The following GREB1 variants were observed in gnomAD, a reference collection of about 807,000 sequenced individuals.
GREB1 encodes growth regulating estrogen receptor binding 1, also known as protein GREB1.
GREB1 carries 106 observed loss-of-function variants against 200.7 expected under a neutral mutation model. The observed-to-expected ratio is 0.53, with a 90% confidence interval of 0.45 to 0.62. The LOEUF (loss-of-function observed/expected upper bound fraction) is 0.62, where lower values mean the gene tolerates loss of function less well. Among genes scored for constraint, GREB1 ranks in the 20% least tolerant of loss-of-function variants. GREB1 has a pLI of 0.00. For synonymous variants in GREB1, 1,132 were observed against 1,092.4 expected (o/e 1.04, Z -0.72); for missense variants, 2,243 against 2,556.8 (o/e 0.88, Z 2.65).
chr2:11,588,932 G>C lies in GREB1; in HGVS notation c.1345+1G>C. ...ACCGTCTACTACCTGGTCCAGCTGG[G>C]TGAGTCACCTCCACCTCCTGGCCCA... is the stretch of plus-strand genomic sequence containing the variant. On this transcript the variant is annotated splice_donor_variant, in intron 10 of 32. Transcript: ENST00000381486. LOFTEE classifies it high-confidence loss of function. 1 of 1,613,106 alleles carries C rather than the reference G, an allele frequency of 6.2e-7. No individual in the cohort carries two copies. The highest frequency in any genetic ancestry group is 1.7e-5 in the Admixed American group (1 of 60,024).
intron 22 of GREB1, among the ~76,000 whole-genome samples, chr2:11,619,514 T>A (rs1028848675): frequency 1.2e-4 from 19 of 152,198 alleles, no homozygotes; most frequent in Non-Finnish European, 2.9e-5. Flanking sequence ...AATATTACTT[T>A]TTCTGATTTA....
chr2:11,606,090 C>T (rs889631036), intron 17 of GREB1, among the ~76,000 whole-genome samples: 1 of 152,192 alleles, frequency 6.6e-6, no homozygotes, highest in East Asian at 1.9e-4. Context: ...GAACTGTCCC[C>T]GCCATACCAA....
chr2:11,604,201 G>C (rs1314899930), intron 17 of GREB1, among the ~76,000 whole-genome samples: 1 of 152,202 alleles, frequency 6.6e-6, no homozygotes, highest in Non-Finnish European at 1.5e-5. Context: ...AGTTTCATGA[G>C]CTAATGTACG....
intron 9 of GREB1, 119 bp from the exon 10 acceptor site, chr2:11,588,627 G>C: frequency 1.1e-6 from 1 of 927,166 alleles, no homozygotes; most frequent in Non-Finnish European, 1.8e-6. Flanking sequence ...CAGGGCACTC[G>C]AGGGACCTGG....
upstream of GREB1, among the ~76,000 whole-genome samples, chr2:11,531,664 G>A (rs535074266): frequency 6.6e-6 from 1 of 152,054 alleles, no homozygotes; most frequent in Non-Finnish European, 1.5e-5. Context: ...TTGGCATCTC[G>A]GGTTCAAGCG....
chr2:11,611,274 C>G (rs1048743590), intron 18 of GREB1, among the ~76,000 whole-genome samples: 13 of 152,138 alleles, frequency 8.5e-5, no homozygotes, highest in African/African-American at 3.1e-4. Context: ...TTCTTTTTTC[C>G]TGGGCATCCA....
At chr2:11,539,325 A>G (rs1674553408) in intron 1 of GREB1, among the ~76,000 whole-genome samples, 1 of 152,152 alleles carries the variant, frequency 6.6e-6, no homozygotes, top group South Asian at 2.1e-4. Context: ...TGCTGGGATT[A>G]CAGGTGTGAA....
intron 20 of GREB1, 152 bp downstream of exon 20, chr2:11,615,442 G>A (rs987295582): frequency 1.3e-5 from 8 of 629,494 alleles, no homozygotes; most frequent in Non-Finnish European, 2.2e-5. Flanking sequence ...TGGATGAGAG[G>A]TCTCCAGTGT....
At chr2:11,521,927 T>C (rs1673718462) in intron 1 of GREB1, among the ~76,000 whole-genome samples, 1 of 152,234 alleles carries the variant, frequency 6.6e-6, no homozygotes, top group Admixed American at 6.5e-5. Flanking sequence ...ACACGTGTCC[T>C]GCAGCGATCT....
intron 24 of GREB1, among the ~76,000 whole-genome samples, chr2:11,625,661 G>A (rs1047171024): frequency 5.3e-5 from 8 of 152,080 alleles, no homozygotes; most frequent in Non-Finnish European, 1.0e-4. Flanking sequence ...CTCCTCCCCC[G>A]GTGTCTTGAT....
chr2:11,483,032 C>T (rs564703823), intron 1 of GREB1, among the ~76,000 whole-genome samples: 5 of 151,446 alleles, frequency 3.3e-5, no homozygotes, highest in Non-Finnish European at 5.9e-5. Flanking sequence ...CTGCTCGGGG[C>T]GGGCACTCGG....
Position 11,612,593 on chromosome 2 carries a change from T to A in GREB1, c.3105T>A (p.His1035Gln). ...TGATCTTCAGTGGGATGGACCCGCA[T>A]GGGGAGTCCTTGCCGAGGTGAGTGG... is the stretch of plus-strand genomic sequence containing the variant. Reference protein sequence around the residue: ...CILIFSGMDPHGESLPRSLRY... With the variant: ...CILIFSGMDPQGESLPRSLRY... Residue 1035 changes from histidine to glutamine, a missense_variant, in exon 19 of 33, where the codon CAT becomes CAA. By Grantham distance (24) the His-to-Gln change is conservative (BLOSUM62 0). Around this residue, in one of 3 missense-constraint regions of GREB1, gnomAD observed 1,178 missense variants for 1,387.4 expected, o/e 0.85. Coordinates refer to ENST00000381486, the MANE Select transcript of GREB1 (RefSeq NM_014668.4). 1 of 1,610,460 alleles carries A rather than the reference T, an allele frequency of 6.2e-7. No homozygotes were observed. The highest frequency in any genetic ancestry group is 8.5e-7 in the Non-Finnish European group (1 of 1,178,208).
rs377181735 is a variant in GREB1, at chr2:11,587,694, AACACACACACACACACAC to A, written c.1160-1021_1160-1004del. ...AAATGGAGTACCTGGAGTACAAGAT[AACACACACACACACACAC>A]ACACACACACACACACACACACACA... On this transcript the variant is annotated intron_variant, in intron 9 of 32. Coordinates refer to ENST00000381486, the MANE Select transcript of GREB1 (RefSeq NM_014668.4). 74 of 707,148 alleles carry A rather than the reference AACACACACACACACACAC, an allele frequency of 1.0e-4. No homozygotes were observed. The East Asian group carries it at 1.5e-3, about 14-fold the overall frequency. The allele number at this position is 707,148 out of a possible 1,614,324, so 43.8% of individuals were successfully genotyped here.
chr2:11,617,927 C>T (rs540667376), intron 21 of GREB1, among the ~76,000 whole-genome samples: 140 of 152,214 alleles, frequency 9.2e-4, no homozygotes, highest in African/African-American at 3.0e-3. Flanking sequence ...CAGATGCCCC[C>T]GATGGAGTCA....
rs910903168 is a variant in GREB1, at chr2:11,641,255, A to C, written c.*801A>C. ...TGAAACAGACAATGAAAACAACCAAAGTGATATATAAAATAGTTGATGAGA... is the reference window on the plus strand; with the variant it reads ...TGAAACAGACAATGAAAACAACCAACGTGATATATAAAATAGTTGATGAGA... On this transcript the variant is annotated 3_prime_UTR_variant, in exon 33 of 33. Transcript: ENST00000381486. 3 of 152,192 alleles carry C rather than the reference A, an allele frequency of 2.0e-5. No individual in the cohort carries two copies. Among genetic ancestry groups the C allele is most frequent in the Non-Finnish European group, 4.4e-5 (3 of 68,036 alleles). 9.4% of individuals were successfully genotyped at this position (152,192 alleles called of 1,614,324 possible). A position where few individuals can be genotyped will look rare whatever the true frequency, so the allele number is the denominator to read the frequency against.
rs1408718796 is a variant in GREB1 at position 11,597,286 on chromosome 2, T to C, written c.1955-495T>C. 2.6e-5 allele frequency among the ~76,000 whole-genome samples: 4 copies of C among 152,158 alleles called. No homozygotes were observed. Among genetic ancestry groups the C allele is most frequent in the South Asian group, 4.1e-4 (2 of 4,830 alleles). On this transcript the variant is annotated intron_variant, in intron 13 of 32. Transcript: ENST00000381486. The surrounding 1 kb of genome is among the most constrained non-coding windows in gnomAD (Gnocchi z 4.1). ...AAAATTCAGTCTTTAATTATGACAA[T>C]CTCATTTAATCTTGAATTGCACATC...
intron 10 of GREB1, among the ~76,000 whole-genome samples, chr2:11,590,070 T>G (rs1300808712): frequency 1.3e-5 from 2 of 152,064 alleles, no homozygotes; most frequent in Non-Finnish European, 2.9e-5. Context: ...TGCCAAGGTT[T>G]GGGCCTGGGG....
chr2:11,586,214 T>G (rs968202521), intron 9 of GREB1, among the ~76,000 whole-genome samples: 11 of 152,238 alleles, frequency 7.2e-5, no homozygotes, highest in Non-Finnish European at 1.6e-4. Flanking sequence ...TCATTGAGCT[T>G]CTGCCGTGGT....
At chr2:11,531,998 T>C (rs1674090772), upstream of GREB1, among the ~76,000 whole-genome samples, 1 of 152,222 alleles carries the variant, frequency 6.6e-6, no homozygotes, top group Non-Finnish European at 1.5e-5. Context: ...TTTCTCTCTT[T>C]ATATATACTT....
Sources: gnomAD v4.1 joint callset for allele counts (sites outside exome capture counted in the v4.1 genomes callset) on GRCh38, gnomAD v4.1.1 for gene constraint, gnomAD v4.1.1 regional missense constraint, Gnocchi (gnomAD v3.1) non-coding constraint, MANE v1.5 for transcripts, NCBI Gene and HGNC (gene_info 2026-07-23, HGNC 2026-07-21) for gene names.